CRACD: variants seen among roughly 807,000 people sequenced by gnomAD.
CRACD encodes the protein capping protein-inhibiting regulator of actin dynamics.
A neutral mutation model predicts 106.8 loss-of-function variants in CRACD; 56 were observed. The ratio of observed to expected loss-of-function variants is 0.52; its 90% CI spans 0.42 to 0.66. The LOEUF is 0.66. Ranked by LOEUF, CRACD falls within the 30% of genes least tolerant of loss-of-function variation. The pLI, the probability that CRACD is intolerant of heterozygous loss-of-function variation, is 0.00. For synonymous variants in CRACD, 754 were observed against 670.8 expected (o/e 1.12, Z -1.92); for missense variants, 1,730 against 1,623.2 (o/e 1.07, Z -1.13).
At chr4:56,213,527 G>GT (rs1449357434) in intron 2 of CRACD, among the ~76,000 whole-genome samples, 1 of 152,270 alleles carries the variant, frequency 6.6e-6, no homozygotes, top group African/African-American at 2.4e-5. Context: ...CACTTCCACA[G>GT]CCCCTACACC....
intron 2 of CRACD, among the ~76,000 whole-genome samples, chr4:56,235,252 C>A (rs770448266): frequency 3.9e-5 from 6 of 152,154 alleles, no homozygotes; most frequent in Admixed American, 6.5e-5. Flanking sequence ...TCAGAGCTTT[C>A]ATCAAAAACA....
At chr4:56,083,555 A>G (rs1359673041) in intron 1 of CRACD, among the ~76,000 whole-genome samples, 1 of 152,096 alleles carries the variant, frequency 6.6e-6, no homozygotes, top group Non-Finnish European at 1.5e-5. Flanking sequence ...TCTTGATGTC[A>G]TAAATAGGCT....
chr4:56,134,902 A>G (rs192627792), intron 1 of CRACD, among the ~76,000 whole-genome samples: 58 of 152,136 alleles, frequency 3.8e-4, no homozygotes, highest in Non-Finnish European at 6.8e-4. Flanking sequence ...ACCTGTATCT[A>G]TGATTCAGAT....
chr4:56,313,345 A>G lies in CRACD; in HGVS notation c.503A>G (p.Gln168Arg). 1 of 1,614,154 alleles carries G rather than the reference A, an allele frequency of 6.2e-7. No individual in the cohort carries two copies. Among genetic ancestry groups the G allele is most frequent in the Non-Finnish European group, 8.5e-7 (1 of 1,180,032 alleles). Residue 168 changes from glutamine (Q) to arginine (R), a missense_variant, in exon 7 of 11, where the codon CAG becomes CGG. Physicochemically the swap from Gln to Arg is conservative, Grantham distance 43 (BLOSUM62 1). Around this residue, in one of 5 missense-constraint regions of CRACD, gnomAD observed 1,620 missense variants for 1,481.6 expected, o/e 1.09. Coordinates refer to ENST00000682029, the MANE Select transcript of CRACD (RefSeq NM_001393381.1). ...AAGCTGGCTGTTAAGCCAAAAAAAC[A>G]GAGGGTGTCAAAGAAGCACAGGCGC... ...KHKLAVKPKK[Q>R]RVSKKHRRLA...
intron 1 of CRACD, among the ~76,000 whole-genome samples, chr4:56,166,446 T>C (rs1736152007): frequency 1.3e-5 from 2 of 152,024 alleles, no homozygotes; most frequent in Non-Finnish European, 2.9e-5. Context: ...TTTGGGATGC[T>C]GAGGTGGGTG....
At chr4:56,234,968 T>G (rs1248208829) in intron 2 of CRACD, among the ~76,000 whole-genome samples, 1 of 152,222 alleles carries the variant, frequency 6.6e-6, no homozygotes, top group African/African-American at 2.4e-5. Context: ...ACACCTTCTG[T>G]TCCACCTCCA....
intron 1 of CRACD, among the ~76,000 whole-genome samples, chr4:56,101,381 G>C (rs1394860555): frequency 6.6e-6 from 1 of 151,968 alleles, no homozygotes; most frequent in Non-Finnish European, 1.5e-5. Flanking sequence ...CCCTTTCCCT[G>C]GTCACATTTC....
chr4:56,112,925 C>A (rs184917557), intron 1 of CRACD, among the ~76,000 whole-genome samples: 191 of 152,120 alleles, frequency 1.3e-3, no homozygotes, highest in African/African-American at 4.4e-3. Flanking sequence ...AACAATTAGG[C>A]TCCATTAATT....
intron 2 of CRACD, chr4:56,196,286 C>T (rs1242666215): frequency 6.5e-6 from 1 of 152,758 alleles, no homozygotes; most frequent in Non-Finnish European, 1.5e-5. Flanking sequence ...GGACACTCCC[C>T]CTGCCAATTT....
chr4:56,164,206 C>G (rs1736060979), intron 1 of CRACD, among the ~76,000 whole-genome samples: 1 of 150,548 alleles, frequency 6.6e-6, no homozygotes, highest in Non-Finnish European at 1.5e-5. Flanking sequence ...GCAATTTCGG[C>G]TCACTGCAAG....
At chr4:56,296,596 G>T (rs894874419) in intron 3 of CRACD, among the ~76,000 whole-genome samples, 12 of 152,152 alleles carry the variant, frequency 7.9e-5, no homozygotes, top group African/African-American at 2.7e-4. Context: ...GGCACTGCCT[G>T]GGAACACCTG....
chr4:56,306,076 G>T (rs997159692), intron 4 of CRACD, among the ~76,000 whole-genome samples: 2 of 152,098 alleles, frequency 1.3e-5, no homozygotes, highest in Non-Finnish European at 2.9e-5. Context: ...CATTCTTTCC[G>T]TAAGCTTGGG....
intron 1 of CRACD, among the ~76,000 whole-genome samples, chr4:56,161,767 AT>A (rs35832943): frequency 0.03 from 4,217 of 141,206 alleles, 230 homozygotes; most frequent in African/African-American, 0.1. Context: ...GCCAAAGAGC[AT>A]TTTTTTTTTT....
intron 1 of CRACD, among the ~76,000 whole-genome samples, chr4:56,102,189 C>T (rs1451966384): frequency 6.6e-6 from 1 of 152,188 alleles, no homozygotes; most frequent in Non-Finnish European, 1.5e-5. Flanking sequence ...TACCCATTTA[C>T]ACTCCCACTT....
intron 1 of CRACD, among the ~76,000 whole-genome samples, chr4:56,106,461 C>G (rs1248524288): frequency 6.6e-6 from 1 of 152,216 alleles, no homozygotes; most frequent in African/African-American, 2.4e-5. Flanking sequence ...TTTTACTTCT[C>G]TTGGCCTTCT....
chr4:56,318,952 ACTT>A (rs566657014), intron 8 of CRACD, among the ~76,000 whole-genome samples: 163 of 152,186 alleles, frequency 1.1e-3, no homozygotes, highest in African/African-American at 3.6e-3. Flanking sequence ...TCTTTGGCCA[ACTT>A]CTTCTTGGAT....
rs1218711089 is a variant in CRACD, at chr4:56,328,985, A to G, written c.*1181A>G. Among the ~76,000 whole-genome samples, 3 of 152,228 alleles carry G rather than the reference A, an allele frequency of 2.0e-5. No homozygotes were observed. The highest frequency in any genetic ancestry group is 1.3e-4 in the Admixed American group (2 of 15,290). On this transcript the variant is annotated 3_prime_UTR_variant, in exon 11 of 11. Coordinates refer to ENST00000682029, the MANE Select transcript of CRACD (RefSeq NM_001393381.1). ...TCCTGCAGAAAGTCTTTTCTTTACT[A>G]TAATTGAGTAATTCATATTTAGAGT...
chr4:56,217,508 AT>A (rs1560487680), intron 2 of CRACD, among the ~76,000 whole-genome samples: 1 of 152,174 alleles, frequency 6.6e-6, no homozygotes, highest in African/African-American at 2.4e-5. Flanking sequence ...GAAAGAGTTT[AT>A]TAAAGACCTG....
intron 2 of CRACD, among the ~76,000 whole-genome samples, chr4:56,222,007 T>C (rs958360609): frequency 1.3e-5 from 2 of 152,180 alleles, no homozygotes; most frequent in Admixed American, 6.5e-5. Flanking sequence ...TAAAAGTAGA[T>C]ATACCATTCA....
Sources: allele counts gnomAD v4.1 joint callset (sites outside exome capture counted in the v4.1 genomes callset), GRCh38; gene constraint gnomAD v4.1.1; regional missense constraint gnomAD v4.1.1; transcripts MANE v1.5; gene names NCBI Gene and HGNC (gene_info 2026-07-23, HGNC 2026-07-21).